The following CTIF variants were observed in gnomAD, a reference collection of about 807,000 sequenced individuals.
CTIF encodes cap binding complex dependent translation initiation factor.
In CTIF, 21 loss-of-function variants were observed where a neutral mutation model predicts 66.0. The observed-to-expected ratio is 0.32, with a 90% confidence interval of 0.23 to 0.46. The LOEUF (loss-of-function observed/expected upper bound fraction) is 0.46, where lower values mean the gene tolerates loss of function less well. Ranked by LOEUF, CTIF falls within the 20% of genes least tolerant of loss-of-function variation. CTIF has a pLI of 1.00. For synonymous variants in CTIF, 345 were observed against 326.4 expected (o/e 1.06, Z -0.62); for missense variants, 739 against 812.7 (o/e 0.91, Z 1.10).
intron 9 of CTIF, among the ~76,000 whole-genome samples, chr18:48,773,859 CAG>C (rs992202623): frequency 5.9e-5 from 9 of 152,036 alleles, no homozygotes; most frequent in African/African-American, 1.7e-4. Flanking sequence ...GTTGAGGGGA[CAG>C]AGGGGGAGAG....
At position 48,748,538 on chromosome 18, in the gene CTIF, G is replaced by A. The variant is rs554671385; in HGVS notation, c.585-9381G>A. ...GGGAAGGCACCTCCCGAAGATCAGC[G>A]CACCCCATCCTCACAGCTACCATGT... On this transcript the variant is annotated intron_variant, in intron 7 of 11. Transcript: ENST00000256413. Among the ~76,000 whole-genome samples, 12 of 152,250 alleles carry A rather than the reference G, an allele frequency of 7.9e-5. 1 individual carries two copies. The South Asian group carries it at 1.5e-3, about 18-fold the overall frequency.
chr18:48,610,139 G>A (rs2090279284), intron 1 of CTIF, among the ~76,000 whole-genome samples: 1 of 152,172 alleles, frequency 6.6e-6, no homozygotes, highest in Non-Finnish European at 1.5e-5. Context: ...GGCCCTCAAG[G>A]ATTACGCAGT....
intron 6 of CTIF, among the ~76,000 whole-genome samples, chr18:48,677,663 C>T (rs1274409512): frequency 6.6e-6 from 1 of 152,194 alleles, no homozygotes; most frequent in East Asian, 1.9e-4. Context: ...CCATATGCCT[C>T]CTCATCACTC....
chr18:48,595,896 C>T (rs976380759), intron 1 of CTIF, among the ~76,000 whole-genome samples: 1 of 152,142 alleles, frequency 6.6e-6, no homozygotes, highest in Non-Finnish European at 1.5e-5. Flanking sequence ...TCCTTGCAGC[C>T]TGTTGGACTG....
intron 7 of CTIF, among the ~76,000 whole-genome samples, chr18:48,736,807 C>T (rs1259261036): frequency 6.6e-6 from 1 of 152,156 alleles, no homozygotes; most frequent in Non-Finnish European, 1.5e-5. Flanking sequence ...ACATAAGGAG[C>T]CTCCTGTCAG....
chr18:48,670,494 CCA>C (rs1555669450), intron 5 of CTIF, 173 bp from the exon 6 acceptor site: 86 of 546,434 alleles, frequency 1.6e-4, no homozygotes, highest in East Asian at 3.8e-4. Flanking sequence ...GACCCCCCCC[CCA>C]CACACACACA....
chr18:48,817,871 A>G (rs1020430967), intron 10 of CTIF, among the ~76,000 whole-genome samples: 3 of 151,890 alleles, frequency 2.0e-5, no homozygotes, highest in Non-Finnish European at 4.4e-5. Flanking sequence ...TTGGGTTTAT[A>G]TAAAGGGAAC....
intron 7 of CTIF, among the ~76,000 whole-genome samples, chr18:48,714,905 C>T (rs1315556427): frequency 2.0e-5 from 3 of 152,216 alleles, no homozygotes; most frequent in Admixed American, 6.5e-5. Flanking sequence ...CCTAGAAACA[C>T]GGTCTTAGTG....
At chr18:48,564,270 C>T (rs1185913102) in intron 1 of CTIF, among the ~76,000 whole-genome samples, 1 of 152,184 alleles carries the variant, frequency 6.6e-6, no homozygotes, top group Non-Finnish European at 1.5e-5. Context: ...TGCCTGCCAC[C>T]TGGGTGCAAG....
intron 9 of CTIF, among the ~76,000 whole-genome samples, chr18:48,816,942 G>C (rs1450287270): frequency 6.6e-6 from 1 of 152,242 alleles, no homozygotes; most frequent in African/African-American, 2.4e-5. Context: ...CAGCATTGCT[G>C]TCAGTGAAGG....
chr18:48,781,068 G>A (rs929604746), intron 9 of CTIF, among the ~76,000 whole-genome samples: 1 of 152,186 alleles, frequency 6.6e-6, no homozygotes, highest in Non-Finnish European at 1.5e-5. Flanking sequence ...GGCTTTGTGA[G>A]CCCCCCTCTT....
At chr18:48,670,937 T>C (rs1203605021) in intron 6 of CTIF, among the ~76,000 whole-genome samples, 193 bp downstream of exon 6, 1 of 152,202 alleles carries the variant, frequency 6.6e-6, no homozygotes, top group Non-Finnish European at 1.5e-5. Context: ...ATCGTGTGTG[T>C]GACAGCCTAC....
intron 10 of CTIF, among the ~76,000 whole-genome samples, chr18:48,846,795 A>C (rs916891325): frequency 6.6e-6 from 1 of 151,118 alleles, no homozygotes; most frequent in Non-Finnish European, 1.5e-5. Context: ...GGATGGATAG[A>C]TACATGGATG....
At chr18:48,833,088 G>A (rs1224393946) in intron 10 of CTIF, among the ~76,000 whole-genome samples, 4 of 152,206 alleles carry the variant, frequency 2.6e-5, no homozygotes, top group Non-Finnish European at 5.9e-5. Context: ...GCGAGAGGCT[G>A]CCCCAGGCTT....
intron 1 of CTIF, among the ~76,000 whole-genome samples, chr18:48,618,549 G>A (rs1017332197): frequency 3.9e-5 from 6 of 152,192 alleles, no homozygotes; most frequent in African/African-American, 1.4e-4. Context: ...TCAGAGGAAG[G>A]GGAGGGTCCC....
At chr18:48,593,406 A>T (rs1252702649) in intron 1 of CTIF, among the ~76,000 whole-genome samples, 2 of 143,976 alleles carry the variant, frequency 1.4e-5, no homozygotes, top group Non-Finnish European at 3.0e-5. Flanking sequence ...TTTGAGACGG[A>T]CTCTCGCTCT....
chr18:48,857,696 C>T, intron 11 of CTIF, 55 bp downstream of exon 11: 1 of 1,538,914 alleles, frequency 6.5e-7, no homozygotes, highest in Non-Finnish European at 8.8e-7. Flanking sequence ...TCTCTCATGC[C>T]TTAACAGTTC....
intron 9 of CTIF, among the ~76,000 whole-genome samples, chr18:48,769,563 T>TGGC (rs1337227149): frequency 6.6e-6 from 1 of 152,256 alleles, no homozygotes; most frequent in Non-Finnish European, 1.5e-5. Flanking sequence ...CTCGTCAGGC[T>TGGC]GGCCTGGCAT....
At chr18:48,634,343 C>T (rs1017533089) in intron 2 of CTIF, among the ~76,000 whole-genome samples, 1 of 152,110 alleles carries the variant, frequency 6.6e-6, no homozygotes, top group African/African-American at 2.4e-5. Flanking sequence ...TTTCTCTCCC[C>T]ACTGACAGCC....
Sources: allele counts gnomAD v4.1 joint callset (sites outside exome capture counted in the v4.1 genomes callset), GRCh38; gene constraint gnomAD v4.1.1; transcripts MANE v1.5; gene names NCBI Gene and HGNC (gene_info 2026-07-23, HGNC 2026-07-21).